Variants in IFT140 observed in about 807,000 individuals in gnomAD.
IFT140 encodes intraflagellar transport 140.
Under a neutral mutation model 164.6 loss-of-function variants are expected in IFT140, and 133 were observed. That is an observed-to-expected ratio of 0.81 (90% confidence interval 0.70 to 0.93). The LOEUF is 0.93. Among genes scored for constraint, IFT140 ranks in the 40% least tolerant of loss-of-function variants. IFT140 has a pLI of 0.00. For missense variants in IFT140, 2,045 were observed against 1,972.3 expected, an observed-to-expected ratio of 1.04 and a Z score of -0.70; for synonymous variants, 860 against 817.3, an observed-to-expected ratio of 1.05 and a Z score of -0.89.
At chr16:1,545,234 G>C (rs965468188) in intron 19 of IFT140, among the ~76,000 whole-genome samples, 1 of 152,116 alleles carries the variant, frequency 6.6e-6, no homozygotes, top group Admixed American at 6.5e-5. Context: ...GCTCCAACAC[G>C]ACCTCTGACA....
Position 1,512,818 on chromosome 16 carries a change from A to G in IFT140, c.4183-1668T>C, listed in dbSNP as rs186878468. Among the ~76,000 whole-genome samples, 439 of 152,280 alleles carry G rather than the reference A, an allele frequency of 2.9e-3. 1 individual carries two copies. Among genetic ancestry groups the G allele is most frequent in the South Asian group, 8.9e-3 (43 of 4,818 alleles). ...ACCAAACCAAGCAACAACAAAAAAG[A>G]AACCTTGTTAGGATTAGACTTGAGT... On this transcript the variant is annotated intron_variant, in intron 30 of 30. Coordinates refer to ENST00000426508, the MANE Select transcript of IFT140 (RefSeq NM_014714.4).
At chr16:1,548,110 TCTC>T (rs1399670645) in intron 19 of IFT140, among the ~76,000 whole-genome samples, 1 of 152,228 alleles carries the variant, frequency 6.6e-6, no homozygotes, top group Non-Finnish European at 1.5e-5. Flanking sequence ...TCCCAGGGCC[TCTC>T]CCTCTAGAGA....
intron 2 of IFT140, among the ~76,000 whole-genome samples, chr16:1,608,160 G>T (rs1222978551): frequency 6.6e-6 from 1 of 152,162 alleles, no homozygotes; most frequent in East Asian, 1.9e-4. Flanking sequence ...TCACTTACGT[G>T]AACTTAATCT....
intron 16 of IFT140, 27 bp downstream of exon 16, chr16:1,566,134 C>A (rs993635910): frequency 6.2e-7 from 1 of 1,604,134 alleles, no homozygotes. Flanking sequence ...TTTTTTCCAA[C>A]AAAATCCTCC....
chr16:1,579,858 G>T (rs1428289485), intron 13 of IFT140, among the ~76,000 whole-genome samples: 2 of 151,922 alleles, frequency 1.3e-5, no homozygotes, highest in African/African-American at 4.8e-5. Context: ...TAGCTACTCA[G>T]GAGGCTGAGG....
chr16:1,563,355 C>A (rs1296072510), intron 17 of IFT140, among the ~76,000 whole-genome samples: 4 of 149,916 alleles, frequency 2.7e-5, no homozygotes, highest in African/African-American at 9.8e-5. Context: ...AGAGCAGTGG[C>A]GCGATCCCGG....
chr16:1,564,725 G>GT lies in IFT140; in HGVS notation c.1902-564dup, dbSNP rs142061141. 0.025 allele frequency among the ~76,000 whole-genome samples: 3,767 copies of GT among 152,310 alleles called. 152 individuals are homozygous for GT. Among genetic ancestry groups the GT allele is most frequent in the African/African-American group, 0.087 (3,595 of 41,542 alleles). On this transcript the variant is annotated intron_variant, in intron 16 of 30. Coordinates refer to ENST00000426508, the MANE Select transcript of IFT140 (RefSeq NM_014714.4). This position sits in a 1 kb window ranked among gnomAD's most constrained non-coding sequence, Gnocchi z 5.5. ...TTTCAAGAGAGAGCAGGTGCCCAAG[G>GT]TGAGGAGGCCTATGAGCCTCATTCG...
rs771137018 is a variant in IFT140 at position 1,523,879 on chromosome 16, G to T, written c.3219C>A (p.Tyr1073Ter). The T allele has an allele frequency of 6.2e-6, 10 of 1,613,436 alleles. No individual in the cohort carries two copies. The highest frequency in any genetic ancestry group is 1.7e-5 in the Admixed American group (1 of 59,998). Reference protein sequence around the residue: ...SPEDMIEAARYYEEKGVQMDR... With the variant: ...SPEDMIEAAR The stretch of plus-strand genomic sequence containing the variant: ...CCATCTGCACGCCCTTCTCCTCGTA[G>T]TATCGGGCCGCCTCGATCATGTCCT... The change falls in exon 25 of 31, where the codon TAC becomes TAA. Residue 1073 changes from tyrosine (Y) to a stop codon, truncating the protein, a stop_gained. Coordinates refer to ENST00000426508, the MANE Select transcript of IFT140 (RefSeq NM_014714.4). LOFTEE classifies it high-confidence loss of function.
intron 13 of IFT140, among the ~76,000 whole-genome samples, chr16:1,572,789 A>T (rs972790193): frequency 6.6e-6 from 1 of 152,204 alleles, no homozygotes; most frequent in African/African-American, 2.4e-5. Flanking sequence ...GCTCAATTCA[A>T]CCAATGCCCA....
intron 3 of IFT140, among the ~76,000 whole-genome samples, chr16:1,604,149 T>C (rs2035930918): frequency 6.6e-6 from 1 of 152,024 alleles, no homozygotes. Context: ...TGGGCAAAAG[T>C]GGGGTTGGTG....
intron 19 of IFT140, among the ~76,000 whole-genome samples, chr16:1,535,855 T>A (rs1268888127): frequency 6.6e-6 from 1 of 152,196 alleles, no homozygotes; most frequent in Non-Finnish European, 1.5e-5. Flanking sequence ...TATGAATAAC[T>A]TCAAAGCTTC....
At chr16:1,539,281 C>G (rs1435468669) in intron 19 of IFT140, among the ~76,000 whole-genome samples, 2 of 151,794 alleles carry the variant, frequency 1.3e-5, no homozygotes, top group South Asian at 4.2e-4. Flanking sequence ...TTGGGCCTCA[C>G]CAAGCCGCAC....
intron 12 of IFT140, among the ~76,000 whole-genome samples, chr16:1,582,427 C>G (rs944221005): frequency 6.6e-6 from 1 of 152,206 alleles, no homozygotes; most frequent in Non-Finnish European, 1.5e-5. Context: ...GCAGAGGAAG[C>G]GTGGCCCTGC....
intron 19 of IFT140, chr16:1,554,923 A>G (rs781482681): frequency 1.9e-6 from 3 of 1,614,186 alleles, no homozygotes; most frequent in South Asian, 1.1e-5. Flanking sequence ...ATTCTCCACA[A>G]GAGGGAGGAC....
At chr16:1,524,110 T>A in intron 24 of IFT140, 154 bp from the exon 25 acceptor site, 1 of 984,184 alleles carries the variant, frequency 1.0e-6, no homozygotes, top group Non-Finnish European at 1.5e-6. Flanking sequence ...GCTGATGACT[T>A]ACTGGGTTTG....
chr16:1,611,701 C>G (rs1338513732), intron 1 of IFT140, among the ~76,000 whole-genome samples: 1 of 148,738 alleles, frequency 6.7e-6, no homozygotes, highest in African/African-American at 2.5e-5. Flanking sequence ...GTAATTCCAA[C>G]TACTCGGGAG....
At chr16:1,562,188 T>C (rs2033450198) in intron 17 of IFT140, 72 bp from the exon 18 acceptor site, 2 of 1,366,042 alleles carry the variant, frequency 1.5e-6, no homozygotes, top group African/African-American at 1.5e-5. Flanking sequence ...ATGAGTGCCA[T>C]TTTGCTACAC....
intron 29 of IFT140, among the ~76,000 whole-genome samples, chr16:1,519,433 C>G (rs1448529949): frequency 2.6e-5 from 4 of 152,166 alleles, no homozygotes; most frequent in Non-Finnish European, 5.9e-5. Context: ...AGACCATCGG[C>G]TGGCTGCCTG....
At chr16:1,574,602 T>C (rs1007701554) in intron 13 of IFT140, among the ~76,000 whole-genome samples, 1 of 152,098 alleles carries the variant, frequency 6.6e-6, no homozygotes, top group African/African-American at 2.4e-5. Context: ...TTAAATCACA[T>C]TTTGTGCTTC....
Sources: allele counts gnomAD v4.1 joint callset (sites outside exome capture counted in the v4.1 genomes callset), GRCh38; gene constraint gnomAD v4.1.1; non-coding constraint Gnocchi (gnomAD v3.1); transcripts MANE v1.5; gene names NCBI Gene and HGNC (gene_info 2026-07-23, HGNC 2026-07-21).